The following NAF1 variants were observed in gnomAD, a reference collection of about 807,000 sequenced individuals.
NAF1 encodes the protein nuclear assembly factor 1 ribonucleoprotein, also known as H/ACA ribonucleoprotein complex non-core subunit NAF1.
NAF1 carries 11 observed loss-of-function variants against 40.6 expected under a neutral mutation model. The observed-to-expected ratio is 0.27, with a 90% CI of 0.17 to 0.45. The LOEUF (loss-of-function observed/expected upper bound fraction) is 0.45. NAF1 is among the 20% of genes least tolerant of loss of function. The pLI is 1.00. For synonymous variants in NAF1, 260 were observed against 228.5 expected, an observed-to-expected ratio of 1.14 and a Z score of -1.24; for missense variants, 607 against 611.1, an observed-to-expected ratio of 0.99 and a Z score of 0.07.
chr4:163,142,676 T>C (rs1731308750), intron 4 of NAF1, among the ~76,000 whole-genome samples: 1 of 152,244 alleles, frequency 6.6e-6, no homozygotes, highest in African/African-American at 2.4e-5. Flanking sequence ...GTATGTGGCA[T>C]GAGCCAATAC....
chr4:163,142,086 A>C (rs746662859), intron 4 of NAF1: 2 of 189,448 alleles, frequency 1.1e-5, no homozygotes, highest in Non-Finnish European at 9.8e-6. Context: ...TTAAGAAAAT[A>C]GCAAGACATC....
At chr4:163,148,755 T>G (rs1731578635) in intron 2 of NAF1, among the ~76,000 whole-genome samples, 1 of 152,186 alleles carries the variant, frequency 6.6e-6, no homozygotes, top group African/African-American at 2.4e-5. Context: ...AAAAGGCTAT[T>G]ATCAGGCAGA....
At chr4:163,148,520 C>T in intron 2 of NAF1, 86 bp from the exon 3 acceptor site, 1 of 896,832 alleles carries the variant, frequency 1.1e-6, no homozygotes, top group African/African-American at 1.7e-5. Flanking sequence ...AAGTGCTACA[C>T]ATCTCTGAAA....
chr4:163,144,757 A>G (rs1553960218), intron 4 of NAF1, among the ~76,000 whole-genome samples: 2 of 152,122 alleles, frequency 1.3e-5, no homozygotes, highest in African/African-American at 2.4e-5. Flanking sequence ...ATTTTATCTG[A>G]CTCCTTTCAA....
chr4:163,112,957 C>A (rs542101522), intron 2 of NAF1, among the ~76,000 whole-genome samples: 20 of 152,246 alleles, frequency 1.3e-4, no homozygotes, highest in African/African-American at 4.6e-4. Context: ...TCAAGTGATA[C>A]CAGACAGCAT....
At chr4:163,137,355 AC>A (rs2110918369) in intron 5 of NAF1, 105 bp from the exon 6 acceptor site, 1 of 1,247,528 alleles carries the variant, frequency 8.0e-7, no homozygotes, top group African/African-American at 1.5e-5. Context: ...CATGAGTTCA[AC>A]CTTTAATTTT....
chr4:163,159,771 G>C (rs566462686), intron 2 of NAF1, among the ~76,000 whole-genome samples: 2 of 152,134 alleles, frequency 1.3e-5, no homozygotes, highest in African/African-American at 4.8e-5. Flanking sequence ...TTGCCAATAA[G>C]CATTAATTTT....
chr4:163,141,139 C>A (rs1174339110), intron 4 of NAF1, among the ~76,000 whole-genome samples: 1 of 151,968 alleles, frequency 6.6e-6, no homozygotes, highest in African/African-American at 2.4e-5. Flanking sequence ...GTGAGGCGGG[C>A]GGATCACCTG....
rs143123680 is a variant in NAF1, at chr4:163,137,156, T to A, written c.930+43A>T. On this transcript the variant is annotated intron_variant, in intron 6 of 7. Coordinates refer to ENST00000274054, the MANE Select transcript of NAF1 (RefSeq NM_138386.3). ...TGATAAAATTTATAAGATTAAGTCC[T>A]GCCCTACTTTATAAAATGTTGCATA... 5.8e-5 allele frequency: 93 copies of A among 1,607,110 alleles called. No individual in the cohort carries two copies. In the Admixed American group the frequency reaches 1.2e-3, roughly 20 times the overall value.
chr4:163,127,749 T>C (rs903207447), downstream of NAF1, among the ~76,000 whole-genome samples: 3 of 152,158 alleles, frequency 2.0e-5, no homozygotes, highest in African/African-American at 4.8e-5. Context: ...CCTCAGCTCA[T>C]GGGGAAGAAA....
chr4:163,141,045 T>C (rs1731239905), intron 4 of NAF1, among the ~76,000 whole-genome samples: 1 of 152,246 alleles, frequency 6.6e-6, no homozygotes, highest in South Asian at 2.1e-4. Context: ...CAAATTGTAC[T>C]TTCTTCTCAA....
chr4:163,155,649 A>T (rs1230860744), intron 2 of NAF1, among the ~76,000 whole-genome samples: 1 of 152,210 alleles, frequency 6.6e-6, no homozygotes, highest in African/African-American at 2.4e-5. Context: ...CAATTATTAG[A>T]TTAACACTTG....
intron 2 of NAF1, among the ~76,000 whole-genome samples, chr4:163,153,667 AC>A (rs1266538225): frequency 6.6e-6 from 1 of 152,194 alleles, no homozygotes; most frequent in Non-Finnish European, 1.5e-5. Flanking sequence ...GACATGGAGA[AC>A]CTTTGTATCT....
intron 2 of NAF1, among the ~76,000 whole-genome samples, chr4:163,112,900 A>G (rs1002375163): frequency 6.6e-6 from 1 of 152,200 alleles, no homozygotes; most frequent in African/African-American, 2.4e-5. Context: ...CTAGGAAAAA[A>G]ATATTGCAGC....
At chr4:163,152,866 C>G (rs924085366) in intron 2 of NAF1, among the ~76,000 whole-genome samples, 2 of 152,300 alleles carry the variant, frequency 1.3e-5, no homozygotes, top group East Asian at 1.9e-4. Context: ...GAGCGGGAAC[C>G]GGGGCTGCGC....
downstream of NAF1, chr4:163,126,906 G>A (rs953896801): frequency 6.8e-7 from 1 of 1,479,790 alleles, no homozygotes; most frequent in Non-Finnish European, 9.0e-7. Context: ...AGGCTCAAAG[G>A]GTCATTATTA....
chr4:163,144,785 A>G (rs891258620), intron 4 of NAF1, among the ~76,000 whole-genome samples: 2 of 152,308 alleles, frequency 1.3e-5, no homozygotes, highest in East Asian at 3.9e-4. Flanking sequence ...TGACAGCTGA[A>G]TATTAATATT....
intron 2 of NAF1, among the ~76,000 whole-genome samples, chr4:163,113,291 C>T (rs1579114345): frequency 6.6e-6 from 1 of 152,052 alleles, no homozygotes; most frequent in African/African-American, 2.4e-5. Flanking sequence ...AGCATGGAAA[C>T]GGTCCCCTCT....
At chr4:163,160,805 G>A (rs1329418912) in intron 2 of NAF1, among the ~76,000 whole-genome samples, 5 of 152,010 alleles carry the variant, frequency 3.3e-5, no homozygotes, top group Non-Finnish European at 7.4e-5. Context: ...TATATCTTTT[G>A]GCAGAAAAGT....
Sources: gnomAD v4.1 joint callset for allele counts (sites outside exome capture counted in the v4.1 genomes callset) on GRCh38, gnomAD v4.1.1 for gene constraint, MANE v1.5 for transcripts, NCBI Gene and HGNC (gene_info 2026-07-23, HGNC 2026-07-21) for gene names.